Variants in GRM7 observed in about 807,000 individuals in gnomAD.
GRM7 encodes glutamate metabotropic receptor 7.
Under a neutral mutation model 84.5 loss-of-function variants are expected in GRM7, and 35 were observed. The ratio of observed to expected loss-of-function variants is 0.41; its 90% CI spans 0.32 to 0.55. The LOEUF is 0.55. Among genes scored for constraint, GRM7 ranks in the 20% least tolerant of loss-of-function variants. The pLI is 0.19. For missense variants in GRM7, 1,003 were observed against 1,194.6 expected (o/e 0.84, Z 2.36); for synonymous variants, 487 against 455.1 (o/e 1.07, Z -0.89).
intron 9 of GRM7, among the ~76,000 whole-genome samples, chr3:7,724,787 T>A (rs938515512): frequency 1.3e-5 from 2 of 152,124 alleles, no homozygotes; most frequent in African/African-American, 4.8e-5. Flanking sequence ...AGAGACAGGG[T>A]CTCACTCTGT....
Position 7,445,153 on chromosome 3 carries a change from G to C in GRM7, c.1175-7454G>C, listed in dbSNP as rs188433331. Among the ~76,000 whole-genome samples, 10 of 152,268 alleles carry C rather than the reference G, an allele frequency of 6.6e-5. No homozygotes were observed. In the East Asian group the frequency reaches 1.7e-3, roughly 26 times the overall value. ...CCATTTCCTCCTTGCAGGAAATTCT[G>C]CTGAAACATTCAGTAGGTATAAGAG... On this transcript the variant is annotated intron_variant, in intron 5 of 9. Coordinates refer to ENST00000357716, the MANE Select transcript of GRM7 (RefSeq NM_000844.4).
intron 7 of GRM7, among the ~76,000 whole-genome samples, chr3:7,575,210 C>A (rs933337753): frequency 1.3e-5 from 2 of 152,166 alleles, no homozygotes; most frequent in African/African-American, 2.4e-5. Flanking sequence ...CAGGAGCTAC[C>A]TACTAAGACC....
chr3:6,994,403 T>A (rs76400511), intron 1 of GRM7, among the ~76,000 whole-genome samples: 2,050 of 152,320 alleles, frequency 0.013, 38 homozygotes, highest in African/African-American at 0.046. Context: ...ACTGTCATAT[T>A]TTCTCCCTGT....
intron 2 of GRM7, among the ~76,000 whole-genome samples, chr3:7,273,284 T>C (rs2124981614): frequency 6.6e-6 from 1 of 152,238 alleles, no homozygotes; most frequent in Admixed American, 6.5e-5. Flanking sequence ...TATGATCTAT[T>C]TTAGTTGAAG....
At chr3:7,036,656 G>A (rs912718943) in intron 1 of GRM7, among the ~76,000 whole-genome samples, 2 of 152,088 alleles carry the variant, frequency 1.3e-5, no homozygotes, top group Non-Finnish European at 2.9e-5. Flanking sequence ...ATATGCTTCA[G>A]TTTCACTGAT....
intron 1 of GRM7, among the ~76,000 whole-genome samples, chr3:6,897,898 G>C (rs1213632952): frequency 6.6e-6 from 1 of 152,180 alleles, no homozygotes; most frequent in Non-Finnish European, 1.5e-5. Context: ...GGCACTGCTG[G>C]AGAGTGGGGG....
At chr3:7,321,956 A>G (rs1181539260) in intron 4 of GRM7, among the ~76,000 whole-genome samples, 2 of 152,094 alleles carry the variant, frequency 1.3e-5, no homozygotes, top group Non-Finnish European at 2.9e-5. Flanking sequence ...ATCAGTGTGA[A>G]TGGCCTCTGG....
chr3:7,203,185 G>A (rs1015983321), intron 2 of GRM7, among the ~76,000 whole-genome samples: 24 of 152,056 alleles, frequency 1.6e-4, no homozygotes, highest in African/African-American at 5.8e-4. Context: ...TTGTACCCAT[G>A]AACCAACCTC....
In GRM7 at chr3:7,680,241, G is replaced by A. The variant is rs1235898169; in HGVS notation, c.2644G>A (p.Asp882Asn). 6.2e-7 allele frequency: 1 copy of A among 1,614,136 alleles called. No individual in the cohort carries two copies. The highest frequency in any genetic ancestry group is 1.7e-5 in the Admixed American group (1 of 60,026). ...ATCGAGGCTGTCACACAAACCCAGT[G>A]ACAGACCCAACGGTGAGGCAAAGAC... Reference protein sequence around the residue: ...MSSRLSHKPSDRPNGEAKTEL... With the variant: ...MSSRLSHKPSNRPNGEAKTEL... The change falls in exon 9 of 10, where the codon GAC becomes AAC. Residue 882 changes from aspartate to asparagine, a missense_variant. Transcript: ENST00000357716.
chr3:7,247,583 G>T (rs1697815171), intron 2 of GRM7, among the ~76,000 whole-genome samples: 1 of 131,642 alleles, frequency 7.6e-6, no homozygotes. Flanking sequence ...AATAGAATGA[G>T]ACACTCTCTC....
At chr3:6,995,712 A>G (rs1009275782) in intron 1 of GRM7, among the ~76,000 whole-genome samples, 5 of 152,338 alleles carry the variant, frequency 3.3e-5, no homozygotes, top group African/African-American at 4.8e-5. Flanking sequence ...CTGAACATTT[A>G]GAAATTTTCC....
At chr3:7,379,404 T>C (rs1694494633) in intron 4 of GRM7, among the ~76,000 whole-genome samples, 1 of 152,254 alleles carries the variant, frequency 6.6e-6, no homozygotes, top group African/African-American at 2.4e-5. Context: ...CTTCTGTGAA[T>C]TTTACAAGCG....
chr3:7,213,714 C>T (rs870738), intron 2 of GRM7, among the ~76,000 whole-genome samples: 59,144 of 151,908 alleles, frequency 0.39, 12,324 homozygotes, highest in African/African-American at 0.55. Flanking sequence ...TTGGGTTCAT[C>T]TCCAGAGCTG....
At chr3:7,669,665 A>G (rs961209318) in intron 8 of GRM7, among the ~76,000 whole-genome samples, 2 of 152,194 alleles carry the variant, frequency 1.3e-5, no homozygotes, top group Non-Finnish European at 2.9e-5. Context: ...GACAGGCCCT[A>G]AAGAGTGAGT....
chr3:7,318,311 C>CTTCT (rs1218748687), intron 4 of GRM7, among the ~76,000 whole-genome samples: 15 of 152,128 alleles, frequency 9.9e-5, no homozygotes, highest in African/African-American at 3.1e-4. Context: ...GGGGCTAAGA[C>CTTCT]TTCTCTTCCT....
intron 9 of GRM7, among the ~76,000 whole-genome samples, chr3:7,698,234 G>A (rs924891456): frequency 6.6e-6 from 1 of 152,180 alleles, no homozygotes; most frequent in Non-Finnish European, 1.5e-5. Flanking sequence ...ATGGGAGATA[G>A]TGTTCTGGGC....
At chr3:7,119,892 T>A (rs1188154738) in intron 1 of GRM7, among the ~76,000 whole-genome samples, 1 of 152,148 alleles carries the variant, frequency 6.6e-6, no homozygotes, top group African/African-American at 2.4e-5. Flanking sequence ...GCTCATTTCC[T>A]CCCATTGTAA....
At chr3:7,096,023 T>C (rs957074984) in intron 1 of GRM7, among the ~76,000 whole-genome samples, 1 of 152,192 alleles carries the variant, frequency 6.6e-6, no homozygotes, top group African/African-American at 2.4e-5. Flanking sequence ...CTAAAAATAT[T>C]GAATATACAA....
intron 7 of GRM7, among the ~76,000 whole-genome samples, chr3:7,473,565 A>G (rs1350608451): frequency 6.6e-6 from 1 of 151,166 alleles, no homozygotes; most frequent in Non-Finnish European, 1.5e-5. Context: ...ACATCTCAGA[A>G]AAGGGAGGTC....
Sources: gnomAD v4.1 joint callset for allele counts (sites outside exome capture counted in the v4.1 genomes callset) on GRCh38, gnomAD v4.1.1 for gene constraint, MANE v1.5 for transcripts, NCBI Gene and HGNC (gene_info 2026-07-23, HGNC 2026-07-21) for gene names.